Variants in SPECC1L observed in about 807,000 individuals in gnomAD.
The protein encoded by SPECC1L is cytospin-A.
A neutral mutation model predicts 116.8 loss-of-function variants in SPECC1L; 40 were observed. The observed-to-expected ratio is 0.34, with a 90% confidence interval of 0.27 to 0.45. The LOEUF is 0.45. SPECC1L is among the 20% of genes least tolerant of loss of function. SPECC1L has a pLI of 1.00. For missense variants in SPECC1L, 1,110 were observed against 1,373.6 expected (o/e 0.81, Z 3.03); for synonymous variants, 504 against 500.6 (o/e 1.01, Z -0.09).
intron 11 of SPECC1L, among the ~76,000 whole-genome samples, chr22:24,358,118 T>G (rs2041568019): frequency 1.4e-5 from 2 of 139,856 alleles, no homozygotes; most frequent in South Asian, 4.3e-4. Flanking sequence ...TTTTTTGGTT[T>G]TTTTTTTTTT....
intron 9 of SPECC1L, 127 bp downstream of exon 9, chr22:24,334,700 T>C (rs2041015099): frequency 2.0e-6 from 2 of 998,350 alleles, no homozygotes; most frequent in Non-Finnish European, 3.1e-6. Context: ...ATAGTATTAA[T>C]GCACTAGACT....
chr22:24,301,843 G>A (rs958869870), intron 2 of SPECC1L, among the ~76,000 whole-genome samples: 1 of 152,034 alleles, frequency 6.6e-6, no homozygotes, highest in African/African-American at 2.4e-5. Flanking sequence ...TCAGGAGATC[G>A]AGACCATCCT....
intron 13 of SPECC1L, among the ~76,000 whole-genome samples, chr22:24,366,350 C>T (rs1398942590): frequency 2.6e-5 from 4 of 152,050 alleles, no homozygotes; most frequent in African/African-American, 9.7e-5. Flanking sequence ...CCTGCCACCT[C>T]GCCCGGCTAA....
At chr22:24,300,589 A>G (rs971403782) in intron 2 of SPECC1L, among the ~76,000 whole-genome samples, 19 of 152,218 alleles carry the variant, frequency 1.2e-4, no homozygotes, top group African/African-American at 4.3e-4. Context: ...CATTTCCACC[A>G]ACAGTGTAAA....
At chr22:24,387,488 C>T (rs917879760) in intron 14 of SPECC1L, among the ~76,000 whole-genome samples, 12 of 152,094 alleles carry the variant, frequency 7.9e-5, no homozygotes, top group African/African-American at 2.7e-4. Context: ...ATTCTTTTAG[C>T]TGTACTTATC....
chr22:24,330,734 G>T (rs989728236), intron 8 of SPECC1L, among the ~76,000 whole-genome samples: 1 of 152,108 alleles, frequency 6.6e-6, no homozygotes, highest in Admixed American at 6.5e-5. Flanking sequence ...TCTTTAGATT[G>T]TAGCCTCATG....
chr22:24,367,304 T>C (rs2041789279), intron 13 of SPECC1L, among the ~76,000 whole-genome samples: 1 of 152,252 alleles, frequency 6.6e-6, no homozygotes, highest in African/African-American at 2.4e-5. Context: ...CCCTGTGGTT[T>C]AGTGATAGTA....
At chr22:24,414,505 T>C (rs1189118774) in intron 16 of SPECC1L, 29 bp from the exon 17 acceptor site, 1 of 1,607,258 alleles carries the variant, frequency 6.2e-7, no homozygotes, top group South Asian at 1.1e-5. Flanking sequence ...GACCTGCAGT[T>C]CTAACCAAGC....
At chr22:24,373,662 C>G (rs1377165307) in intron 14 of SPECC1L, among the ~76,000 whole-genome samples, 1 of 152,088 alleles carries the variant, frequency 6.6e-6, no homozygotes, top group Non-Finnish European at 1.5e-5. Flanking sequence ...GACCTAAAAC[C>G]ATAAAAACCC....
At chr22:24,283,430 C>G (rs1011939926) in intron 2 of SPECC1L, among the ~76,000 whole-genome samples, 21 of 152,310 alleles carry the variant, frequency 1.4e-4, no homozygotes, top group African/African-American at 4.6e-4. Context: ...GGGATAAACC[C>G]TACTTGGTTA....
intron 4 of SPECC1L, among the ~76,000 whole-genome samples, chr22:24,317,195 C>G (rs2040597673): frequency 3.0e-5 from 3 of 99,518 alleles, no homozygotes; most frequent in Non-Finnish European, 2.1e-5. Context: ...CTCCTCACTT[C>G]CCAGTAGGGG....
intron 2 of SPECC1L, among the ~76,000 whole-genome samples, chr22:24,287,457 C>CA (rs2049063637): frequency 6.6e-6 from 1 of 152,120 alleles, no homozygotes; most frequent in South Asian, 2.1e-4. Flanking sequence ...CTGACACAGA[C>CA]AGGCTGGCAT....
rs147032573 is a variant in SPECC1L, at chr22:24,386,006, A to G, written c.3087+16686A>G. On this transcript the variant is annotated intron_variant, in intron 14 of 16. Transcript: ENST00000314328. ...CCACATGCACTGTCAAAAGATTTCA[A>G]TGAATTAAAGTCCTTCAGAGTAAGT... Among the ~76,000 whole-genome samples the G allele has an allele frequency of 4.0e-3, 616 of 152,304 alleles. 7 individuals are homozygous for G. Among genetic ancestry groups the G allele is most frequent in the African/African-American group, 0.014 (574 of 41,552 alleles).
At chr22:24,318,126 G>A (rs1310406190) in intron 4 of SPECC1L, among the ~76,000 whole-genome samples, 1 of 151,336 alleles carries the variant, frequency 6.6e-6, no homozygotes, top group African/African-American at 2.5e-5. Context: ...GGGTGGGGCC[G>A]GGCAGAGGCT....
intron 14 of SPECC1L, among the ~76,000 whole-genome samples, chr22:24,399,543 C>T: frequency 6.6e-6 from 1 of 152,008 alleles, no homozygotes; most frequent in Non-Finnish European, 1.5e-5. Context: ...TGCACTCCAG[C>T]CTGGGCGACA....
At position 24,361,824 on chromosome 22, in the gene SPECC1L, AAAAAC is replaced by A. The variant is rs1013668614; in HGVS notation, c.2744-1436_2744-1432del. 3.3e-5 allele frequency among the ~76,000 whole-genome samples: 5 copies of A among 152,036 alleles called. No homozygotes were observed. In the East Asian group the frequency reaches 7.7e-4, roughly 24 times the overall value. On this transcript the variant is annotated intron_variant, in intron 11 of 16. Transcript: ENST00000314328. Reference sequence around the variant, plus strand: ...CTCTCCTGCCCCCTCCAAAAAAACAAAAAACGAGAGAGAGAGAAAGAAGAAGAAGA... The same window carrying A: ...CTCTCCTGCCCCCTCCAAAAAAACAAGAGAGAGAGAGAAAGAAGAAGAAGA...
chr22:24,349,505 T>C (rs1272048599), intron 11 of SPECC1L, among the ~76,000 whole-genome samples: 1 of 152,230 alleles, frequency 6.6e-6, no homozygotes, highest in Non-Finnish European at 1.5e-5. Context: ...TCGCCTGTTC[T>C]TCTCTGGACT....
intron 14 of SPECC1L, among the ~76,000 whole-genome samples, chr22:24,399,501 C>T (rs1263809209): frequency 6.6e-6 from 1 of 151,846 alleles, no homozygotes; most frequent in Non-Finnish European, 1.5e-5. Context: ...ACCTGGGAGG[C>T]GGAGCTTGTG....
chr22:24,344,592 C>CAAAAA (rs35725042), intron 10 of SPECC1L, among the ~76,000 whole-genome samples: 2 of 117,932 alleles, frequency 1.7e-5, no homozygotes, highest in Non-Finnish European at 3.6e-5. Flanking sequence ...TGCATAAGAC[C>CAAAAA]AAAAAAAAAA....
Sources: gnomAD v4.1 joint callset for allele counts (sites outside exome capture counted in the v4.1 genomes callset) on GRCh38, gnomAD v4.1.1 for gene constraint, MANE v1.5 for transcripts, NCBI Gene and HGNC (gene_info 2026-07-23, HGNC 2026-07-21) for gene names.